The following LRRK1 variants were observed in gnomAD, a reference collection of about 807,000 sequenced individuals.
The protein encoded by LRRK1 is leucine-rich repeat serine/threonine-protein kinase 1.
Under a neutral mutation model 209.1 loss-of-function variants are expected in LRRK1, and 113 were observed. The ratio of observed to expected loss-of-function variants is 0.54; its 90% CI spans 0.46 to 0.63. LRRK1 has a LOEUF of 0.63. LRRK1 is among the 30% of genes least tolerant of loss of function. The pLI is 0.00. For synonymous variants in LRRK1, 1,144 were observed against 1,099.7 expected (o/e 1.04, Z -0.80); for missense variants, 2,284 against 2,632.2 (o/e 0.87, Z 2.89).
intron 5 of LRRK1, 96 bp from the exon 6 acceptor site, chr15:100,989,154 C>A (rs1048747474): frequency 1.8e-6 from 2 of 1,086,312 alleles, no homozygotes; most frequent in African/African-American, 1.6e-5. Context: ...GCACAAGTAC[C>A]TTTTCAGTTT....
rs201182477 is a variant in LRRK1, at chr15:101,021,893, C to T, written c.1788C>T (p.Asn596=). The change falls in exon 14 of 34, where the codon AAC becomes AAT. Residue 596 remains asparagine (N), a synonymous_variant. Transcript: ENST00000388948. ...CTCCTGAGCTGGGGCAGCTGGGCAA[C>T]CTCTGGCAGCTGGACACTGAAGACC... ...ELPPELGQLG[N]LWQLDTEDLT... 3.1e-6 allele frequency: 5 copies of T among 1,613,922 alleles called. No individual in the cohort carries two copies. Among genetic ancestry groups the T allele is most frequent in the Non-Finnish European group, 4.2e-6 (5 of 1,180,010 alleles).
At chr15:100,932,873 G>A (rs1358919414) in intron 2 of LRRK1, among the ~76,000 whole-genome samples, 1 of 151,972 alleles carries the variant, frequency 6.6e-6, no homozygotes, top group Non-Finnish European at 1.5e-5. Flanking sequence ...ATTCTTTTGG[G>A]GCTGACTCAT....
chr15:101,003,331 G>A (rs530904655), intron 6 of LRRK1, among the ~76,000 whole-genome samples: 1 of 152,268 alleles, frequency 6.6e-6, no homozygotes, highest in South Asian at 2.1e-4. Context: ...GTGGGTATGT[G>A]CCTACAGAGA....
At chr15:100,968,055 C>T (rs1285164798) in intron 2 of LRRK1, among the ~76,000 whole-genome samples, 3 of 152,214 alleles carry the variant, frequency 2.0e-5, no homozygotes, top group East Asian at 1.9e-4. Flanking sequence ...CACTGTCTAC[C>T]ATATGGCCAC....
rs749368396 is a variant in LRRK1 at position 101,061,260 on chromosome 15, T to C, written c.4769T>C (p.Val1590Ala). Residue 1590 changes from valine (V) to alanine (A), a missense_variant, in exon 30 of 34, where the codon GTC becomes GCC. By Grantham distance (64) the Val-to-Ala change is moderately conservative. Transcript: ENST00000388948. ...PGMKVSCQLQ[V>A]QRSLWTATED... ...ATGAAGGTGAGCTGCCAGCTCCAGG[T>C]CCAGAGATCCCTGTGGACAGCCACC... is the stretch of plus-strand genomic sequence containing the variant. 3 of 1,613,802 alleles carry C rather than the reference T, an allele frequency of 1.9e-6. No individual in the cohort carries two copies. The highest frequency in any genetic ancestry group is 2.5e-6 in the Non-Finnish European group (3 of 1,179,916).
chr15:101,052,808 G>C (rs959006958), intron 24 of LRRK1, 114 bp from the exon 25 acceptor site: 2 of 1,302,206 alleles, frequency 1.5e-6, no homozygotes, highest in Non-Finnish European at 2.1e-6. Flanking sequence ...GATCTGTCCA[G>C]CCTCACAGAT....
At chr15:101,045,755 A>G (rs866813566) in intron 20 of LRRK1, among the ~76,000 whole-genome samples, 1 of 152,226 alleles carries the variant, frequency 6.6e-6, no homozygotes, top group Non-Finnish European at 1.5e-5. Context: ...TGATAGACTC[A>G]TATTAATGGG....
At chr15:101,049,883 A>ATTT in intron 23 of LRRK1, 100 bp downstream of exon 23, 1 of 1,345,620 alleles carries the variant, frequency 7.4e-7, no homozygotes, top group Non-Finnish European at 1.0e-6. Flanking sequence ...TCCCACTGGG[A>ATTT]TTCAGCCCAA....
Position 101,008,889 on chromosome 15 carries a change from G to A in LRRK1, c.815G>A (p.Trp272Ter). 1 of 1,614,216 alleles carries A rather than the reference G, an allele frequency of 6.2e-7. No homozygotes were observed. Residue 272 changes from tryptophan (W) to a stop codon, truncating the protein, a stop_gained, in exon 7 of 34, where the codon TGG becomes TAG. Transcript: ENST00000388948. LOFTEE classifies it high-confidence loss of function. The stretch of plus-strand genomic sequence containing the variant: ...AGACTGCCCTGGGTAGACCTAGACT[G>A]GCTCATAGACATCTCCTGCCAGATC... ...HLRLPWVDLD[W>*]LIDISCQITE...
rs1207416078 is a variant in LRRK1 at position 101,006,389 on chromosome 15, AAAAG to A, written c.763-2444_763-2441del. On this transcript the variant is annotated intron_variant, in intron 6 of 33. Transcript: ENST00000388948. ...CAATGTGATAAAAAAAAAAAAAAAA[AAAAG>A]AAAAGGCATTAAAAGGTGTGAAGAC... 8.6e-3 allele frequency among the ~76,000 whole-genome samples: 1,256 copies of A among 146,496 alleles called. 26 individuals carry two copies. Among genetic ancestry groups the A allele is most frequent in the African/African-American group, 0.032 (1,171 of 36,444 alleles).
chr15:100,992,024 C>T (rs1379809544), intron 6 of LRRK1, among the ~76,000 whole-genome samples: 1 of 152,120 alleles, frequency 6.6e-6, no homozygotes, highest in African/African-American at 2.4e-5. Flanking sequence ...ACCTTGAACT[C>T]CTATTATAAA....
At position 101,066,642 on chromosome 15, in the gene LRRK1, G is replaced by C. The variant is rs1472884841; in HGVS notation, c.5771G>C (p.Arg1924Pro). 6.2e-7 allele frequency: 1 copy of C among 1,614,106 alleles called. No homozygotes were observed. The highest frequency in any genetic ancestry group is 2.2e-5 in the East Asian group (1 of 44,884). The stretch of plus-strand genomic sequence containing the variant: ...CCTTCTGGGTTTTGGTTGCTTAGGC[G>C]CGGTGGAGATGTTATCGTCATTGGC... ...AVRDLIWVPR[R>P]GGDVIVIGLE... Residue 1924 changes from arginine (R) to proline (P), a missense_variant and splice_region_variant, in exon 33 of 34, where the codon CGC (arginine) becomes CCC (proline). Transcript: ENST00000388948.
intron 4 of LRRK1, among the ~76,000 whole-genome samples, chr15:100,988,131 GGTTTT>G (rs746412192): frequency 2.0e-5 from 3 of 152,142 alleles, no homozygotes; most frequent in East Asian, 3.9e-4. Context: ...AGGACAGCTG[GGTTTT>G]GTTTTGTTTT....
rs1458322850 is a variant in LRRK1, at chr15:101,074,699, C to T, written c.*5851C>T. On this transcript the variant is annotated 3_prime_UTR_variant, in exon 34 of 34. Coordinates refer to ENST00000388948, the MANE Select transcript of LRRK1 (RefSeq NM_024652.6). The stretch of plus-strand genomic sequence containing the variant: ...AATAGAAAAAAGTTGCAATTCCTTG[C>T]CTCCACTGTGAGACAAACCCCAGCC... 6.6e-6 allele frequency: 1 copy of T among 152,114 alleles called. No homozygotes were observed. The highest frequency in any genetic ancestry group is 1.5e-5 in the Non-Finnish European group (1 of 68,018). 9.4% of individuals were successfully genotyped at this position (152,114 alleles called of 1,614,324 possible). A position where few individuals can be genotyped will look rare whatever the true frequency, so the allele number is the denominator to read the frequency against.
In LRRK1 at chr15:101,024,532, A is replaced by G. The variant is rs2033934625; in HGVS notation, c.2068-271A>G. Among the ~76,000 whole-genome samples the G allele has an allele frequency of 1.3e-5, 2 of 152,190 alleles. No individual in the cohort carries two copies. Among genetic ancestry groups the G allele is most frequent in the Admixed American group, 1.3e-4 (2 of 15,276 alleles). ...TCCCCTACCCATCTGCAGCCCAGACAGAGCCAGGCCCTCTGAAGTCTGTCC... is the reference window on the plus strand; with the variant it reads ...TCCCCTACCCATCTGCAGCCCAGACGGAGCCAGGCCCTCTGAAGTCTGTCC... On this transcript the variant is annotated intron_variant, in intron 15 of 33. Transcript: ENST00000388948. The surrounding 1 kb of genome is among the most constrained non-coding windows in gnomAD (Gnocchi z 4.6).
chr15:101,012,368 C>T (rs913947085), intron 10 of LRRK1, among the ~76,000 whole-genome samples: 9 of 152,184 alleles, frequency 5.9e-5, no homozygotes, highest in Non-Finnish European at 8.8e-5. Context: ...GGTTATGGTT[C>T]GTATCCCTCG....
intron 7 of LRRK1, 35 bp from the exon 8 acceptor site, chr15:101,010,415 A>G: frequency 6.3e-7 from 1 of 1,590,196 alleles, no homozygotes; most frequent in East Asian, 2.2e-5. Flanking sequence ...TTCCCTCTTT[A>G]TTCTGATGCC....
At chr15:100,948,204 T>G (rs1647074659) in intron 2 of LRRK1, among the ~76,000 whole-genome samples, 1 of 152,180 alleles carries the variant, frequency 6.6e-6, no homozygotes, top group Admixed American at 6.5e-5. Flanking sequence ...GAGTCTGTCT[T>G]CCTCCACATC....
chr15:101,065,898 A>G lies in LRRK1; in HGVS notation c.5461A>G (p.Ser1821Gly), dbSNP rs1158867051. ...CATCGCGGACGTGAGCATCATGTAC[A>G]GTGAGGAGCTGGGCACGCAGATCCT... ...DSIADVSIMY[S>G]EELGTQILIH... The change falls in exon 32 of 34, where the codon AGT becomes GGT. Residue 1821 changes from serine to glycine, a missense_variant. Ser to Gly is a moderately conservative substitution (Grantham distance 56). Coordinates refer to ENST00000388948, the MANE Select transcript of LRRK1 (RefSeq NM_024652.6). 28 of 1,614,052 alleles carry G rather than the reference A, an allele frequency of 1.7e-5. No individual in the cohort carries two copies. Among genetic ancestry groups the G allele is most frequent in the Non-Finnish European group, 2.4e-5 (28 of 1,180,034 alleles).
Sources: gnomAD v4.1 joint callset for allele counts (sites outside exome capture counted in the v4.1 genomes callset) on GRCh38, gnomAD v4.1.1 for gene constraint, Gnocchi (gnomAD v3.1) non-coding constraint, MANE v1.5 for transcripts, NCBI Gene and HGNC (gene_info 2026-07-23, HGNC 2026-07-21) for gene names.